PTPRJ: variants seen among roughly 807,000 people sequenced by gnomAD.
PTPRJ encodes receptor-type tyrosine-protein phosphatase eta.
A neutral mutation model predicts 141.3 loss-of-function variants in PTPRJ; 129 were observed. The ratio of observed to expected loss-of-function variants is 0.91; its 90% CI spans 0.79 to 1.06. The LOEUF (loss-of-function observed/expected upper bound fraction) is 1.06, where lower values mean the gene tolerates loss of function less well. Among genes scored for constraint, PTPRJ ranks in the 50% least tolerant of loss-of-function variants. PTPRJ has a pLI of 0.00. For synonymous variants in PTPRJ, 610 were observed against 640.5 expected (o/e 0.95, Z 0.72); for missense variants, 1,601 against 1,679.7 (o/e 0.95, Z 0.82).
intron 1 of PTPRJ, among the ~76,000 whole-genome samples, chr11:48,093,334 G>A (rs2134302081): frequency 6.6e-6 from 1 of 152,300 alleles, no homozygotes; most frequent in African/African-American, 2.4e-5. Flanking sequence ...CAAATATTTT[G>A]TGATATGTTT....
At position 48,100,946 on chromosome 11, in the gene PTPRJ, A is replaced by G. The variant is rs563629661; in HGVS notation, c.97-9112A>G. Among the ~76,000 whole-genome samples, 4 of 151,042 alleles carry G rather than the reference A, an allele frequency of 2.6e-5. No individual in the cohort carries two copies. The East Asian group carries it at 7.8e-4, about 29-fold the overall frequency. ...CAAGTGCCCATGTCTCAGGTTCAGT[A>G]CTGATCAGCATTTTACCCTCCTTTG... On this transcript the variant is annotated intron_variant, in intron 1 of 24. Coordinates refer to ENST00000418331, the MANE Select transcript of PTPRJ (RefSeq NM_002843.4).
intron 4 of PTPRJ, 95 bp from the exon 5 acceptor site, chr11:48,123,518 T>C (rs1856757456): frequency 7.4e-7 from 1 of 1,354,862 alleles, no homozygotes; most frequent in East Asian, 2.4e-5. Flanking sequence ...TTTTTTTCTT[T>C]TAAAACCCGC....
At chr11:48,159,315 G>A (rs1431964445) in intron 21 of PTPRJ, among the ~76,000 whole-genome samples, 2 of 152,118 alleles carry the variant, frequency 1.3e-5, no homozygotes, top group African/African-American at 2.4e-5. Flanking sequence ...TATTGCAACC[G>A]ATGTATATCT....
intron 11 of PTPRJ, among the ~76,000 whole-genome samples, chr11:48,142,102 T>A (rs765903910): frequency 6.6e-6 from 1 of 152,218 alleles, no homozygotes; most frequent in Non-Finnish European, 1.5e-5. Context: ...TTGAAGAGGC[T>A]GTCTTTTCCC....
At chr11:47,984,547 G>T (rs963599615) in intron 1 of PTPRJ, among the ~76,000 whole-genome samples, 1 of 151,612 alleles carries the variant, frequency 6.6e-6, no homozygotes, top group Non-Finnish European at 1.5e-5. Flanking sequence ...GGTAGGTGCT[G>T]TTCTTGTTTA....
At chr11:48,167,170 C>T (rs1318578959) in intron 24 of PTPRJ, 34 bp from the exon 25 acceptor site, 5 of 1,581,628 alleles carry the variant, frequency 3.2e-6, no homozygotes, top group Non-Finnish European at 4.3e-6. Flanking sequence ...GACCCATGTT[C>T]ATTTTCTGTC....
intron 1 of PTPRJ, among the ~76,000 whole-genome samples, chr11:48,106,478 G>T (rs984382170): frequency 6.6e-6 from 1 of 152,212 alleles, no homozygotes; most frequent in African/African-American, 2.4e-5. Flanking sequence ...GTCAAGGTGT[G>T]CTGGGCAAGG....
intron 1 of PTPRJ, among the ~76,000 whole-genome samples, chr11:48,096,338 G>A (rs1856004646): frequency 1.3e-5 from 2 of 152,132 alleles, no homozygotes; most frequent in Admixed American, 6.5e-5. Flanking sequence ...TCTTAGTGAG[G>A]AAAATCACTC....
intron 7 of PTPRJ, among the ~76,000 whole-genome samples, chr11:48,129,873 C>T (rs926910160): frequency 2.0e-5 from 3 of 152,030 alleles, no homozygotes. Context: ...AAGGTTGTGC[C>T]CCACCCTTAA....
chr11:48,156,931 A>G lies in PTPRJ; in HGVS notation c.3438+812A>G, dbSNP rs1329747774. On this transcript the variant is annotated intron_variant, in intron 21 of 24. Coordinates refer to ENST00000418331, the MANE Select transcript of PTPRJ (RefSeq NM_002843.4). Reference sequence around the variant, plus strand: ...AAAATCTCAGACTTATCCCTGGATAAGCCTCAGCAGCCTCCTCTCTCCTGC... The same window carrying G: ...AAAATCTCAGACTTATCCCTGGATAGGCCTCAGCAGCCTCCTCTCTCCTGC... Among the ~76,000 whole-genome samples, 3 of 151,706 alleles carry G rather than the reference A, an allele frequency of 2.0e-5. No individual in the cohort carries two copies. In the East Asian group the frequency reaches 5.8e-4, roughly 29 times the overall value.
chr11:48,110,153 A>G, intron 2 of PTPRJ, 77 bp downstream of exon 2: 1 of 1,406,216 alleles, frequency 7.1e-7, no homozygotes, highest in Non-Finnish European at 9.9e-7. Flanking sequence ...ATTAACAGCA[A>G]TGTGAAATGC....
intron 10 of PTPRJ, among the ~76,000 whole-genome samples, chr11:48,137,535 G>A (rs1857134232): frequency 6.6e-6 from 1 of 152,226 alleles, no homozygotes; most frequent in Admixed American, 6.5e-5. Flanking sequence ...GAAGGAGGAA[G>A]TGGGATGTTT....
intron 1 of PTPRJ, among the ~76,000 whole-genome samples, chr11:48,106,840 C>G (rs1437115335): frequency 7.0e-6 from 1 of 142,358 alleles, no homozygotes; most frequent in Non-Finnish European, 1.5e-5. Context: ...GCGATCTCAG[C>G]TCACTGCAAC....
intron 23 of PTPRJ, 68 bp downstream of exon 23, chr11:48,163,686 A>G: frequency 6.7e-7 from 1 of 1,496,334 alleles, no homozygotes; most frequent in Middle Eastern, 1.7e-4. Flanking sequence ...CACTTTACAA[A>G]AGCAAAGCCT....
At position 48,136,233 on chromosome 11, in the gene PTPRJ, A is replaced by T; in HGVS notation, c.1810A>T (p.Ile604Phe). ...CCTGATTCCGGGCACCTTATATAAC[A>T]TCACCATCTCTCCAGAAGTGGACCA... is the stretch of plus-strand genomic sequence containing the variant. The part of the protein sequence containing the change: ...QGLIPGTLYN[I>F]TISPEVDHVW... Residue 604 changes from isoleucine (I) to phenylalanine (F), a missense_variant, in exon 9 of 25, where the codon ATC becomes TTC. Transcript: ENST00000418331. The T allele has an allele frequency of 6.2e-7, 1 of 1,614,158 alleles. No homozygotes were observed. Among genetic ancestry groups the T allele is most frequent in the Non-Finnish European group, 8.5e-7 (1 of 1,180,028 alleles).
At chr11:48,074,126 C>A (rs776352478) in intron 1 of PTPRJ, among the ~76,000 whole-genome samples, 13 of 152,144 alleles carry the variant, frequency 8.5e-5, no homozygotes, top group African/African-American at 3.1e-4. Flanking sequence ...ACTACAGGCA[C>A]ATGCCACCAT....
At chr11:48,012,410 A>C (rs887212632) in intron 1 of PTPRJ, among the ~76,000 whole-genome samples, 17 of 152,150 alleles carry the variant, frequency 1.1e-4, no homozygotes, top group Admixed American at 3.9e-4. Context: ...GATTTCCCTG[A>C]GCACCTGCTC....
chr11:48,040,380 A>G (rs1173385246), intron 1 of PTPRJ, among the ~76,000 whole-genome samples: 1 of 152,162 alleles, frequency 6.6e-6, no homozygotes. Context: ...CCTTATGTAC[A>G]CAGCTTTGAC....
rs1246835519 is a variant in PTPRJ at position 48,149,499 on chromosome 11, C to A, written c.3041+11C>A. 10 of 1,457,714 alleles carry A rather than the reference C, an allele frequency of 6.9e-6. No individual in the cohort carries two copies. The highest frequency in any genetic ancestry group is 9.5e-6 in the Non-Finnish European group (10 of 1,056,072). 90.3% of individuals were successfully genotyped at this position (1,457,714 alleles called of 1,614,324 possible). ...CTTTTCTCAAATTAAGTAAGTCTCT[C>A]AAATTATGAGCTTTATTTTAAATCC... On this transcript the variant is annotated intron_variant, in intron 16 of 24. Coordinates refer to ENST00000418331, the MANE Select transcript of PTPRJ (RefSeq NM_002843.4).
Sources: allele counts gnomAD v4.1 joint callset (sites outside exome capture counted in the v4.1 genomes callset), GRCh38; gene constraint gnomAD v4.1.1; transcripts MANE v1.5; gene names NCBI Gene and HGNC (gene_info 2026-07-23, HGNC 2026-07-21).